The following D2HGDH variants were observed in gnomAD, a reference collection of about 807,000 sequenced individuals.
D2HGDH encodes D-2-hydroxyglutarate dehydrogenase, also known as D-2-hydroxyglutarate dehydrogenase, mitochondrial.
D2HGDH carries 31 observed loss-of-function variants against 46.9 expected under a neutral mutation model. The observed-to-expected ratio is 0.66, with a 90% CI of 0.50 to 0.89. The LOEUF (loss-of-function observed/expected upper bound fraction) is 0.89, where lower values mean the gene tolerates loss of function less well. Among genes scored for constraint, D2HGDH ranks in the 40% least tolerant of loss-of-function variants. The probability of loss-of-function intolerance (pLI) is 0.00; values close to 1 mark genes in which losing one functional copy is unlikely to be tolerated. For synonymous variants in D2HGDH, 364 were observed against 332.6 expected (o/e 1.09, Z -1.03); for missense variants, 698 against 720.8 (o/e 0.97, Z 0.36).
At chr2:241,764,190 G>A (rs986718634) in intron 9 of D2HGDH, among the ~76,000 whole-genome samples, 1 of 152,224 alleles carries the variant, frequency 6.6e-6, no homozygotes, top group Non-Finnish European at 1.5e-5. Context: ...TGGGAGGGGC[G>A]GGGACTGGGG....
At chr2:241,740,126 C>A (rs759937466) in intron 2 of D2HGDH, among the ~76,000 whole-genome samples, 1 of 152,130 alleles carries the variant, frequency 6.6e-6, no homozygotes, top group Non-Finnish European at 1.5e-5. Flanking sequence ...GACTGGGTGA[C>A]GGAGTGAGAC....
chr2:241,758,844 G>T (rs1698460756), intron 9 of D2HGDH, among the ~76,000 whole-genome samples: 1 of 149,610 alleles, frequency 6.7e-6, no homozygotes, highest in Admixed American at 6.7e-5. Context: ...CAGTTGTGTG[G>T]CCGGACCGGT....
intron 6 of D2HGDH, chr2:241,748,926 T>G (rs1299827725): frequency 7.7e-7 from 1 of 1,295,166 alleles, no homozygotes; most frequent in Non-Finnish European, 1.0e-6. Context: ...TGCCGCATCC[T>G]GCTCTTCGCA....
intron 2 of D2HGDH, among the ~76,000 whole-genome samples, chr2:241,740,203 A>T (rs1429381991): frequency 1.3e-5 from 2 of 152,230 alleles, no homozygotes; most frequent in East Asian, 3.8e-4. Flanking sequence ...ACCAGTTGGC[A>T]ACCATCCTAG....
chr2:241,751,166 G>T, intron 7 of D2HGDH, 80 bp from the exon 8 acceptor site: 2 of 1,596,284 alleles, frequency 1.3e-6, no homozygotes, highest in Non-Finnish European at 8.6e-7. Context: ...TGCTATTACA[G>T]CTGTTCTGCC....
intron 9 of D2HGDH, among the ~76,000 whole-genome samples, chr2:241,757,526 C>T (rs1288991994): frequency 2.6e-5 from 4 of 151,884 alleles, no homozygotes; most frequent in East Asian, 1.9e-4. Context: ...AAGAGGGGTA[C>T]GGGATCCCCA....
At chr2:241,741,178 G>A (rs939846964) in intron 3 of D2HGDH, 88 bp downstream of exon 3, 30 of 1,259,290 alleles carry the variant, frequency 2.4e-5, no homozygotes, top group Non-Finnish European at 2.7e-5. Flanking sequence ...GGGGTGACGC[G>A]GTGCGAAGCC....
intron 6 of D2HGDH, among the ~76,000 whole-genome samples, chr2:241,747,561 T>TTTC (rs1367379284): frequency 1.3e-5 from 2 of 151,040 alleles, no homozygotes; most frequent in Non-Finnish European, 2.9e-5. Context: ...TTTTTTTTTT[T>TTTC]ACATTATTCT....
rs767481650 is a variant in D2HGDH, at chr2:241,767,951, G to T, written c.1548G>T (p.Thr516=). 6.3e-7 allele frequency: 1 copy of T among 1,594,574 alleles called. No individual in the cohort carries two copies. The highest frequency in any genetic ancestry group is 1.7e-5 in the Admixed American group (1 of 58,064). ...DPKGILNPYK[T]LPSQA ...AGGGCATCCTCAACCCCTACAAGAC[G>T]CTGCCCAGCCAGGCCTGACGGCCAC... The change falls in exon 10 of 10, where the codon ACG becomes ACT. Residue 516 remains threonine (T), a synonymous_variant. Transcript: ENST00000321264.
chr2:241,751,220 A>C, intron 7 of D2HGDH, 26 bp from the exon 8 acceptor site: 1 of 1,613,678 alleles, frequency 6.2e-7, no homozygotes, highest in Non-Finnish European at 8.5e-7. Context: ...GCCTCTGCTC[A>C]CTCTGCCTTC....
chr2:241,767,600 G>A lies in D2HGDH; in HGVS notation c.1307-110G>A, dbSNP rs556434760. 137 of 1,497,304 alleles carry A rather than the reference G, an allele frequency of 9.1e-5. 1 individual carries two copies. The highest frequency in any genetic ancestry group is 1.2e-4 in the South Asian group (10 of 83,746). The allele number at this position is 1,497,304 out of a possible 1,614,324, so 92.8% of individuals were successfully genotyped here. A position where few individuals can be genotyped will look rare whatever the true frequency, so the allele number is the denominator to read the frequency against. ...AGTGGCATGAGGGTGAGGCTCAGCCGGGGGTCTCGGGGTTGCTGGGGAGGG... is the reference window on the plus strand; with the variant it reads ...AGTGGCATGAGGGTGAGGCTCAGCCAGGGGTCTCGGGGTTGCTGGGGAGGG... On this transcript the variant is annotated intron_variant, in intron 9 of 9. Transcript: ENST00000321264.
chr2:241,750,097 G>C (rs2125134540), intron 6 of D2HGDH, 54 bp from the exon 7 acceptor site: 1 of 1,612,712 alleles, frequency 6.2e-7, no homozygotes, highest in East Asian at 2.2e-5. Flanking sequence ...AGGGGGACTT[G>C]GGTGGGCTGG....
Position 241,742,583 on chromosome 2 carries a change from G to C in D2HGDH, c.490+9G>C. The C allele has an allele frequency of 6.2e-7, 1 of 1,614,072 alleles. No individual in the cohort carries two copies. ...CTTCCACAGCGTGTCTGGTAAGCCT[G>C]TGCCACCCGTCGGGGCCCAGGAGTC... On this transcript the variant is annotated intron_variant, in intron 4 of 9. Coordinates refer to ENST00000321264, the MANE Select transcript of D2HGDH (RefSeq NM_152783.5). The surrounding 1 kb of genome is among the most constrained non-coding windows in gnomAD (Gnocchi z 4.8).
chr2:241,745,896 C>T (rs1437219804), intron 6 of D2HGDH, among the ~76,000 whole-genome samples: 1 of 152,156 alleles, frequency 6.6e-6, no homozygotes, highest in Non-Finnish European at 1.5e-5. Flanking sequence ...TGTCCTCTGG[C>T]CTCCTCGCTG....
At chr2:241,756,078 A>C in intron 9 of D2HGDH, 64 bp downstream of exon 9, 4 of 1,526,948 alleles carry the variant, frequency 2.6e-6, no homozygotes, top group Admixed American at 2.0e-5. Flanking sequence ...GGTCACCGTC[A>C]CCCTGCCAGG....
chr2:241,749,679 C>CT (rs1696772381), intron 6 of D2HGDH: 1 of 327,336 alleles, frequency 3.1e-6, no homozygotes, highest in African/African-American at 2.2e-5. Flanking sequence ...TACGCCCCCT[C>CT]TGAGTCCCAC....
chr2:241,744,035 C>T (rs1695229499), intron 5 of D2HGDH, among the ~76,000 whole-genome samples: 1 of 152,222 alleles, frequency 6.6e-6, no homozygotes. Flanking sequence ...TTTGTGTCCA[C>T]TGCCTCGGGG....
chr2:241,753,101 C>G (rs1008888692), intron 8 of D2HGDH, among the ~76,000 whole-genome samples: 2 of 152,212 alleles, frequency 1.3e-5, no homozygotes, highest in African/African-American at 4.8e-5. Flanking sequence ...TTCACAAAGT[C>G]ACCTCCAGAC....
intron 8 of D2HGDH, chr2:241,754,504 C>A (rs568409268): frequency 6.6e-6 from 1 of 152,004 alleles, no homozygotes. Flanking sequence ...TGGGGAAATG[C>A]GGGAATTTTG....
Sources: allele counts gnomAD v4.1 joint callset (sites outside exome capture counted in the v4.1 genomes callset), GRCh38; gene constraint gnomAD v4.1.1; non-coding constraint Gnocchi (gnomAD v3.1); transcripts MANE v1.5; gene names NCBI Gene and HGNC (gene_info 2026-07-23, HGNC 2026-07-21).